The following SH3PXD2A variants were observed in gnomAD, a reference collection of about 807,000 sequenced individuals.
SH3PXD2A encodes the protein SH3 and PX domains 2A, also known as SH3 and PX domain-containing protein 2A.
A neutral mutation model predicts 115.2 loss-of-function variants in SH3PXD2A; 32 were observed. The ratio of observed to expected loss-of-function variants is 0.28; its 90% CI spans 0.21 to 0.37. The LOEUF (loss-of-function observed/expected upper bound fraction) is 0.37, where lower values mean the gene tolerates loss of function less well. Among genes scored for constraint, SH3PXD2A ranks in the 10% least tolerant of loss-of-function variants. The probability of loss-of-function intolerance (pLI) is 1.00; values close to 1 mark genes in which losing one functional copy is unlikely to be tolerated. For synonymous variants in SH3PXD2A, 610 were observed against 629.1 expected (o/e 0.97, Z 0.45); for missense variants, 1,328 against 1,498.7 (o/e 0.89, Z 1.88).
chr10:103,766,435 T>C (rs947274606), intron 3 of SH3PXD2A, among the ~76,000 whole-genome samples: 2 of 152,232 alleles, frequency 1.3e-5, no homozygotes, highest in Non-Finnish European at 2.9e-5. Flanking sequence ...GGCAGTTCTT[T>C]AACCTGTCTG....
chr10:103,772,762 G>A (rs1053066892), intron 2 of SH3PXD2A, among the ~76,000 whole-genome samples: 7 of 152,194 alleles, frequency 4.6e-5, no homozygotes, highest in Non-Finnish European at 8.8e-5. Flanking sequence ...TGTAACCCAA[G>A]AGGCCGGCTC....
intron 1 of SH3PXD2A, among the ~76,000 whole-genome samples, chr10:103,849,105 C>T (rs1842874721): frequency 6.6e-6 from 1 of 152,012 alleles, no homozygotes; most frequent in Non-Finnish European, 1.5e-5. Flanking sequence ...TGGGACAACA[C>T]AGCCTCCCAG....
At chr10:103,811,516 G>T (rs547004973) in intron 1 of SH3PXD2A, among the ~76,000 whole-genome samples, 1 of 152,302 alleles carries the variant, frequency 6.6e-6, no homozygotes, top group Non-Finnish European at 1.5e-5. Context: ...GAGGTAACTG[G>T]TCTACCCGAG....
intron 1 of SH3PXD2A, among the ~76,000 whole-genome samples, chr10:103,849,025 T>G (rs1842873874): frequency 7.6e-6 from 1 of 131,114 alleles, no homozygotes; most frequent in East Asian, 2.6e-4. Context: ...TTGCACTGTA[T>G]CCCACGGCAG....
At chr10:103,711,755 A>T (rs1188862193) in intron 5 of SH3PXD2A, among the ~76,000 whole-genome samples, 3 of 152,182 alleles carry the variant, frequency 2.0e-5, no homozygotes, top group Non-Finnish European at 2.9e-5. Flanking sequence ...TTGGAAGAAT[A>T]TAAAATGTCC....
intron 3 of SH3PXD2A, among the ~76,000 whole-genome samples, chr10:103,738,793 CTCTT>C (rs962968539): frequency 5.3e-5 from 8 of 151,838 alleles, no homozygotes; most frequent in African/African-American, 1.9e-4. Context: ...AGACAGAACT[CTCTT>C]TTTTTTTTTT....
rs770163011 is a variant in SH3PXD2A at position 103,735,696 on chromosome 10, C to A, written c.306+36G>T. The A allele has an allele frequency of 4.4e-6, 6 of 1,375,788 alleles. No homozygotes were observed. In the African/African-American group the frequency reaches 7.1e-5, roughly 16 times the overall value. 85.2% of individuals were successfully genotyped at this position (1,375,788 alleles called of 1,614,324 possible). ...GGCCCCTCTCCTCCCTGAAGCCCTC[C>A]CCGAGCCCCTCCCCCAGCCCCAGAT... On this transcript the variant is annotated intron_variant, in intron 4 of 14. Coordinates refer to ENST00000369774, the MANE Select transcript of SH3PXD2A (RefSeq NM_001394015.1).
At chr10:103,670,634 C>T (rs111425056) in intron 6 of SH3PXD2A, among the ~76,000 whole-genome samples, 66 of 152,308 alleles carry the variant, frequency 4.3e-4, no homozygotes, top group East Asian at 4.2e-3. Context: ...TCTCAGACAC[C>T]GGGTTATCTG....
intron 2 of SH3PXD2A, among the ~76,000 whole-genome samples, chr10:103,771,439 G>C (rs1014654031): frequency 6.6e-6 from 1 of 152,072 alleles, no homozygotes; most frequent in Non-Finnish European, 1.5e-5. Flanking sequence ...TCTGCCTTAG[G>C]TGCTAGAAAT....
intron 4 of SH3PXD2A, among the ~76,000 whole-genome samples, chr10:103,726,458 A>G (rs2038242976): frequency 6.6e-6 from 1 of 152,174 alleles, no homozygotes; most frequent in Non-Finnish European, 1.5e-5. Flanking sequence ...GGAGGGTGGG[A>G]AAGACTCACT....
rs991823942 is a variant in SH3PXD2A at position 103,627,619 on chromosome 10, T to A, written c.605-417A>T. 2.0e-5 allele frequency among the ~76,000 whole-genome samples: 3 copies of A among 152,236 alleles called. No homozygotes were observed. The highest frequency in any genetic ancestry group is 7.2e-5 in the African/African-American group (3 of 41,474). On this transcript the variant is annotated intron_variant, in intron 8 of 14. Coordinates refer to ENST00000369774, the MANE Select transcript of SH3PXD2A (RefSeq NM_001394015.1). This position sits in a 1 kb window ranked among gnomAD's most constrained non-coding sequence, Gnocchi z 4.4. ...CTGCCTTCTCAGCTTTCAAGCTAAGTGCCTCACAGACAGTCTCTAACGGTC... is the reference window on the plus strand; with the variant it reads ...CTGCCTTCTCAGCTTTCAAGCTAAGAGCCTCACAGACAGTCTCTAACGGTC...
At chr10:103,718,497 G>A (rs1272414126) in intron 5 of SH3PXD2A, among the ~76,000 whole-genome samples, 3 of 141,374 alleles carry the variant, frequency 2.1e-5, no homozygotes, top group Admixed American at 7.0e-5. Context: ...GGGGGCTGGG[G>A]GGCTGGAGGG....
At position 103,602,934 on chromosome 10, in the gene SH3PXD2A, G is replaced by C. The variant is rs1405737727; in HGVS notation, c.2284C>G (p.Leu762Val). The change falls in exon 15 of 15, where the codon CTA (leucine) becomes GTA (valine). Residue 762 changes from leucine to valine, a missense_variant. This residue lies in a region of SH3PXD2A where 574 missense variants were observed against 565.7 expected (regional missense o/e 1.01). Transcript: ENST00000369774. ...TGGCTCTGCGACTCTGCTCGGTTTAGGAATGGCTTGGGCCGGACCGATGGC... is the reference window on the plus strand; with the variant it reads ...TGGCTCTGCGACTCTGCTCGGTTTACGAATGGCTTGGGCCGGACCGATGGC... ...AKPSVRPKPF[L>V]NRAESQSQEK... 1 of 1,614,120 alleles carries C rather than the reference G, an allele frequency of 6.2e-7. No individual in the cohort carries two copies. Among genetic ancestry groups the C allele is most frequent in the African/African-American group, 1.3e-5 (1 of 74,956 alleles).
intron 3 of SH3PXD2A, among the ~76,000 whole-genome samples, chr10:103,758,040 C>T (rs906837390): frequency 6.6e-6 from 1 of 152,204 alleles, no homozygotes; most frequent in African/African-American, 2.4e-5. Context: ...CATGCATTAA[C>T]TGCTTGCGAT....
intron 5 of SH3PXD2A, 157 bp from the exon 6 acceptor site, chr10:103,693,213 G>C (rs1159754156): frequency 1.2e-4 from 26 of 213,236 alleles, no homozygotes; most frequent in Non-Finnish European, 4.4e-5. Context: ...GCAGCCGCAC[G>C]CACTGCGCGC....
chr10:103,652,873 C>T (rs1395666575), intron 8 of SH3PXD2A, among the ~76,000 whole-genome samples: 1 of 152,146 alleles, frequency 6.6e-6, no homozygotes, highest in African/African-American at 2.4e-5. Context: ...CGCTGCGGGG[C>T]TTCGAGTAGG....
At chr10:103,641,607 A>G (rs1427859414) in intron 8 of SH3PXD2A, among the ~76,000 whole-genome samples, 3 of 152,084 alleles carry the variant, frequency 2.0e-5, no homozygotes, top group Non-Finnish European at 4.4e-5. Flanking sequence ...TGCCTGCTCT[A>G]TTATGCCCCA....
intron 3 of SH3PXD2A, chr10:103,750,063 G>A (rs916957284): frequency 6.6e-6 from 1 of 152,152 alleles, no homozygotes; most frequent in Non-Finnish European, 1.5e-5. Context: ...TTTTATTGTT[G>A]TTGTTTGGAG....
chr10:103,762,521 CCACCACT>C (rs2038711636), intron 3 of SH3PXD2A, among the ~76,000 whole-genome samples: 1 of 152,224 alleles, frequency 6.6e-6, no homozygotes. Context: ...CTTGCCCCCA[CCACCACT>C]CTTCAGGGTG....
Sources: allele counts gnomAD v4.1 joint callset (sites outside exome capture counted in the v4.1 genomes callset), GRCh38; gene constraint gnomAD v4.1.1; regional missense constraint gnomAD v4.1.1; non-coding constraint Gnocchi (gnomAD v3.1); transcripts MANE v1.5; gene names NCBI Gene and HGNC (gene_info 2026-07-23, HGNC 2026-07-21).